Variants in SORCS1 observed in about 807,000 individuals in gnomAD.
SORCS1 encodes sortilin related VPS10 domain containing receptor 1.
SORCS1 carries 60 observed loss-of-function variants against 146.1 expected under a neutral mutation model. The observed-to-expected ratio is 0.41, with a 90% CI of 0.33 to 0.51. The LOEUF (loss-of-function observed/expected upper bound fraction) is 0.51, where lower values mean the gene tolerates loss of function less well. Ranked by LOEUF, SORCS1 falls within the 20% of genes least tolerant of loss-of-function variation. The pLI is 0.21. For missense variants in SORCS1, 1,352 were observed against 1,487.6 expected, an observed-to-expected ratio of 0.91 and a Z score of 1.50; for synonymous variants, 637 against 584.0, an observed-to-expected ratio of 1.09 and a Z score of -1.31.
intron 1 of SORCS1, among the ~76,000 whole-genome samples, chr10:107,039,992 T>C (rs967430223): frequency 1.3e-5 from 2 of 152,092 alleles, no homozygotes; most frequent in African/African-American, 4.8e-5. Flanking sequence ...GTCCAGGAGT[T>C]GACGCCGCCA....
rs144337761 is a variant in SORCS1 at position 106,681,917 on chromosome 10, C to T, written c.1561-2183G>A. 3.5e-3 allele frequency among the ~76,000 whole-genome samples: 529 copies of T among 152,248 alleles called. 2 individuals carry two copies. Among genetic ancestry groups the T allele is most frequent in the Non-Finnish European group, 6.0e-3 (410 of 68,008 alleles). The stretch of plus-strand genomic sequence containing the variant: ...CCAAGGTGGGTGGATCACTTGAGGT[C>T]AGGAGTTCGAGACCAACCTGGCCAA... On this transcript the variant is annotated intron_variant, in intron 10 of 25. Transcript: ENST00000263054.
chr10:107,013,596 A>G (rs1053954243), intron 1 of SORCS1, among the ~76,000 whole-genome samples: 1 of 152,146 alleles, frequency 6.6e-6, no homozygotes, highest in African/African-American at 2.4e-5. Context: ...ACACATTGTA[A>G]TTAAGCCTAG....
chr10:107,053,868 C>CTGT (rs1960358121), intron 1 of SORCS1, among the ~76,000 whole-genome samples: 1 of 152,130 alleles, frequency 6.6e-6, no homozygotes, highest in African/African-American at 2.4e-5. Flanking sequence ...AATGCACATG[C>CTGT]CTGTCTGGCA....
At chr10:106,920,387 G>A (rs1952655611) in intron 2 of SORCS1, among the ~76,000 whole-genome samples, 1 of 152,152 alleles carries the variant, frequency 6.6e-6, no homozygotes, top group African/African-American at 2.4e-5. Flanking sequence ...TTTTGTAATA[G>A]ATAGTCCCAG....
At chr10:106,606,540 CT>C (rs1170225466) in intron 23 of SORCS1, among the ~76,000 whole-genome samples, 3 of 152,070 alleles carry the variant, frequency 2.0e-5, no homozygotes, top group South Asian at 2.1e-4. Flanking sequence ...CAGCAACTTG[CT>C]TTTTTTTCCA....
chr10:107,141,591 G>A (rs1382208573), intron 1 of SORCS1, among the ~76,000 whole-genome samples: 3 of 151,568 alleles, frequency 2.0e-5, no homozygotes, highest in African/African-American at 7.3e-5. Flanking sequence ...TTCCTAGTCT[G>A]TGTGTATGCA....
chr10:106,788,518 G>A (rs572361538), intron 3 of SORCS1, among the ~76,000 whole-genome samples: 96 of 152,282 alleles, frequency 6.3e-4, no homozygotes, highest in African/African-American at 2.2e-3. Flanking sequence ...CACACCAAAT[G>A]GGAGAAATTG....
intron 8 of SORCS1, among the ~76,000 whole-genome samples, chr10:106,706,048 C>T (rs1854495122): frequency 6.6e-6 from 1 of 152,134 alleles, no homozygotes; most frequent in Non-Finnish European, 1.5e-5. Flanking sequence ...GCAGCTGTTG[C>T]ACTGATACAT....
rs1425630220 is a variant in SORCS1 at position 106,852,389 on chromosome 10, G to A, written c.627-22716C>T. On this transcript the variant is annotated intron_variant, in intron 2 of 25. Transcript: ENST00000263054. Reference sequence around the variant, plus strand: ...TCACACCTGTAATCCCAGCACTTTCGAAGGCTGAGGCAGTCGCATCACAAG... The same window carrying A: ...TCACACCTGTAATCCCAGCACTTTCAAAGGCTGAGGCAGTCGCATCACAAG... Among the ~76,000 whole-genome samples the A allele has an allele frequency of 5.3e-5, 8 of 152,134 alleles. No individual in the cohort carries two copies. In the South Asian group the frequency reaches 8.3e-4, roughly 16 times the overall value.
chr10:106,990,171 C>T (rs896272879), intron 1 of SORCS1, among the ~76,000 whole-genome samples: 2 of 152,180 alleles, frequency 1.3e-5, no homozygotes, highest in East Asian at 3.9e-4. Context: ...GAGACTGTTA[C>T]TCTCCTAACA....
the SORCS1 span, among the ~76,000 whole-genome samples, chr10:107,172,656 G>T: frequency 6.6e-6 from 1 of 152,270 alleles, no homozygotes; most frequent in African/African-American, 2.4e-5. Flanking sequence ...AGTGTTTCTT[G>T]AATGAGTGAA....
chr10:107,140,013 G>A (rs960468151), intron 1 of SORCS1, among the ~76,000 whole-genome samples: 3 of 152,192 alleles, frequency 2.0e-5, no homozygotes, highest in Admixed American at 1.3e-4. Context: ...GGCCTCCAGT[G>A]ATTATCTAAA....
intron 24 of SORCS1, among the ~76,000 whole-genome samples, chr10:106,591,174 A>G (rs963393223): frequency 6.6e-6 from 1 of 152,178 alleles, no homozygotes; most frequent in Non-Finnish European, 1.5e-5. Flanking sequence ...GCAATAAAAT[A>G]GGGACCAGTG....
chr10:106,953,375 T>C (rs1954791619), intron 2 of SORCS1, among the ~76,000 whole-genome samples: 1 of 152,160 alleles, frequency 6.6e-6, no homozygotes, highest in Admixed American at 6.5e-5. Context: ...AAAATATAAA[T>C]ATTATGTAAA....
chr10:106,942,869 C>T (rs1164937748), intron 2 of SORCS1, among the ~76,000 whole-genome samples: 1 of 152,124 alleles, frequency 6.6e-6, no homozygotes. Flanking sequence ...ACTGATTTCT[C>T]CCTGGGAAAT....
At chr10:106,641,515 G>A (rs908028307) in intron 18 of SORCS1, among the ~76,000 whole-genome samples, 1 of 152,108 alleles carries the variant, frequency 6.6e-6, no homozygotes, top group Admixed American at 6.6e-5. Flanking sequence ...AAAGGATTAA[G>A]GAAGAGATTT....
chr10:107,158,258 T>C (rs938730359), intron 1 of SORCS1, among the ~76,000 whole-genome samples: 15 of 152,230 alleles, frequency 9.9e-5, no homozygotes, highest in African/African-American at 3.1e-4. Flanking sequence ...CCAAATTTAC[T>C]ACAAGATTGA....
chr10:106,850,235 G>T (rs1013311426), intron 2 of SORCS1, among the ~76,000 whole-genome samples: 2 of 152,062 alleles, frequency 1.3e-5, no homozygotes, highest in Admixed American at 1.3e-4. Flanking sequence ...AGCAATCAGC[G>T]AGACTCCGTG....
At position 106,898,114 on chromosome 10, in the gene SORCS1, G is replaced by A. The variant is rs76000683; in HGVS notation, c.626+58399C>T. On this transcript the variant is annotated intron_variant, in intron 2 of 25. Transcript: ENST00000263054. ...ACAGCTCTTTCAAAAGAGCAATGCC[G>A]TGGTTGTAATCTCAAGCTCTTAGGG... Among the ~76,000 whole-genome samples the A allele has an allele frequency of 5.6e-3, 852 of 152,316 alleles. 1 individual carries two copies. The highest frequency in any genetic ancestry group is 9.2e-3 in the African/African-American group (383 of 41,574).
Sources: gnomAD v4.1 joint callset for allele counts (sites outside exome capture counted in the v4.1 genomes callset) on GRCh38, gnomAD v4.1.1 for gene constraint, MANE v1.5 for transcripts, NCBI Gene and HGNC (gene_info 2026-07-23, HGNC 2026-07-21) for gene names.